ELOC: variants seen among roughly 807,000 people sequenced by gnomAD.
ELOC encodes elongin C.
For missense variants in ELOC, 38 were observed against 139.0 expected (o/e 0.27, Z 3.65); for synonymous variants, 40 against 51.3 (o/e 0.78, Z 0.94).
chr8:73,961,211 A>C (rs1171824698), intron 1 of ELOC, among the ~76,000 whole-genome samples: 1 of 152,206 alleles, frequency 6.6e-6, no homozygotes, highest in African/African-American at 2.4e-5. Flanking sequence ...GATCTCATTT[A>C]TACTGATACT....
At chr8:73,964,376 G>A (rs1472270701) in intron 1 of ELOC, 1 of 152,108 alleles carries the variant, frequency 6.6e-6, no homozygotes, top group Non-Finnish European at 1.5e-5. Context: ...TATCCATATG[G>A]ATAAGAAGCT....
intron 3 of ELOC, among the ~76,000 whole-genome samples, chr8:73,954,840 C>T (rs1252958569): frequency 2.0e-5 from 3 of 150,194 alleles, no homozygotes; most frequent in Admixed American, 6.6e-5. Context: ...AAGACCAGTC[C>T]GACCAATATG....
At chr8:73,960,838 G>A (rs1814539439) in intron 1 of ELOC, among the ~76,000 whole-genome samples, 1 of 152,162 alleles carries the variant, frequency 6.6e-6, no homozygotes, top group Admixed American at 6.5e-5. Flanking sequence ...AGGGCTGGGT[G>A]CAGTGGCTCA....
chr8:73,971,674 TAGA>T (rs1815413569), intron 1 of ELOC, among the ~76,000 whole-genome samples: 1 of 151,922 alleles, frequency 6.6e-6, no homozygotes, highest in Non-Finnish European at 1.5e-5. Context: ...GTACTGCAGC[TAGA>T]AGAAGCGAGA....
intron 3 of ELOC, among the ~76,000 whole-genome samples, chr8:73,952,945 A>C (rs1323701405): frequency 6.6e-6 from 1 of 152,184 alleles, no homozygotes; most frequent in Non-Finnish European, 1.5e-5. Flanking sequence ...AAGGAGATAC[A>C]AAAATGTCTA....
chr8:73,960,316 T>G (rs1329773783), intron 1 of ELOC, among the ~76,000 whole-genome samples: 1 of 152,098 alleles, frequency 6.6e-6, no homozygotes, highest in Non-Finnish European at 1.5e-5. Context: ...ATTTGGCTGG[T>G]TTTTGATCCT....
At chr8:73,955,762 C>T in intron 3 of ELOC, 149 bp downstream of exon 3, 1 of 935,798 alleles carries the variant, frequency 1.1e-6, no homozygotes, top group Non-Finnish European at 1.6e-6. Context: ...GAGACTCTGT[C>T]TCTCTCAAAC....
chr8:73,962,117 A>G (rs1402942505), intron 1 of ELOC, among the ~76,000 whole-genome samples: 1 of 152,048 alleles, frequency 6.6e-6, no homozygotes, highest in African/African-American at 2.4e-5. Flanking sequence ...GCTGGTCTTG[A>G]GCTCCTGACC....
intron 3 of ELOC, among the ~76,000 whole-genome samples, chr8:73,948,925 GT>G (rs1418175838): frequency 6.6e-6 from 1 of 152,082 alleles, no homozygotes; most frequent in Non-Finnish European, 1.5e-5. Context: ...TCCTCCTTTA[GT>G]TTTTTTAAAA....
intron 1 of ELOC, chr8:73,970,620 T>C (rs1815291043): frequency 6.6e-6 from 1 of 152,110 alleles, no homozygotes; most frequent in African/African-American, 2.4e-5. Context: ...AATGAATAAA[T>C]CCACATGTAA....
intron 2 of ELOC, 99 bp from the exon 3 acceptor site, chr8:73,956,153 C>G: frequency 8.7e-7 from 1 of 1,153,574 alleles, no homozygotes; most frequent in Non-Finnish European, 1.2e-6. Context: ...GTAATCCCAG[C>G]ACTTTGGCAG....
intron 1 of ELOC, among the ~76,000 whole-genome samples, chr8:73,960,191 G>A (rs926120116): frequency 1.3e-5 from 2 of 152,044 alleles, no homozygotes; most frequent in Non-Finnish European, 2.9e-5. Flanking sequence ...CATAATTATC[G>A]AGAAAAAACT....
At chr8:73,969,571 T>C (rs1235406176) in intron 1 of ELOC, 1 of 152,232 alleles carries the variant, frequency 6.6e-6, no homozygotes, top group Non-Finnish European at 1.5e-5. Context: ...TCAAGGTCTT[T>C]GCATTTGTAA....
rs551661169 is a variant in ELOC, at chr8:73,963,481, G to A, written c.-50-3663C>T. ...TATTTTCTGAAAGGCTATTGCTCGTGTTGTTAAAAGCTTTAAAATGTCCTA... is the reference window on the plus strand; with the variant it reads ...TATTTTCTGAAAGGCTATTGCTCGTATTGTTAAAAGCTTTAAAATGTCCTA... On this transcript the variant is annotated intron_variant, in intron 1 of 3. Transcript: ENST00000520242. Among the ~76,000 whole-genome samples, 4 of 152,218 alleles carry A rather than the reference G, an allele frequency of 2.6e-5. No homozygotes were observed. In the East Asian group the frequency reaches 5.8e-4, roughly 22 times the overall value.
chr8:73,950,051 C>A (rs1429041362), intron 3 of ELOC, among the ~76,000 whole-genome samples: 2 of 151,982 alleles, frequency 1.3e-5, no homozygotes, highest in Non-Finnish European at 2.9e-5. Context: ...TCTTCAGCAC[C>A]CAGATTGGGG....
chr8:73,964,093 CAAAAAA>C (rs61094442), intron 1 of ELOC, among the ~76,000 whole-genome samples: 3 of 80,348 alleles, frequency 3.7e-5, no homozygotes, highest in African/African-American at 5.2e-5. Context: ...AATTCCGTCT[CAAAAAA>C]AAAAAAAAAA....
chr8:73,963,139 T>C (rs1814720380), intron 1 of ELOC, among the ~76,000 whole-genome samples: 1 of 152,158 alleles, frequency 6.6e-6, no homozygotes, highest in African/African-American at 2.4e-5. Context: ...TACATATAAA[T>C]ATTAATCTCT....
chr8:73,962,160 T>A (rs1046606075), intron 1 of ELOC, among the ~76,000 whole-genome samples: 2 of 152,204 alleles, frequency 1.3e-5, no homozygotes, highest in Non-Finnish European at 2.9e-5. Context: ...CCTCCCAAAG[T>A]GCTGGGAGTA....
intron 1 of ELOC, among the ~76,000 whole-genome samples, chr8:73,961,709 C>T (rs1419079743): frequency 1.3e-5 from 2 of 152,038 alleles, no homozygotes; most frequent in Non-Finnish European, 2.9e-5. Context: ...GACCAGGTTT[C>T]GCCATGTTGG....
Sources: gnomAD v4.1 joint callset for allele counts (sites outside exome capture counted in the v4.1 genomes callset) on GRCh38, gnomAD v4.1.1 for gene constraint, MANE v1.5 for transcripts, NCBI Gene and HGNC (gene_info 2026-07-23, HGNC 2026-07-21) for gene names.